SPIN3: variants seen among roughly 807,000 people sequenced by gnomAD.
The protein encoded by SPIN3 is spindlin-3.
For synonymous variants in SPIN3, 74 were observed against 74.3 expected (o/e 1.00, Z 0.02); for missense variants, 176 against 196.4 (o/e 0.90, Z 0.62).
downstream of SPIN3, among the ~76,000 whole-genome samples, chrX:56,990,031 G>A (rs1230132430): frequency 9.1e-6 from 1 of 110,194 alleles, no homozygotes; most frequent in Non-Finnish European, 1.9e-5. Context: ...AAAACAATTG[G>A]GGACCACTGC....
exon 5 of SPIN3, chrX:56,978,381 G>A (rs945563425): frequency 8.9e-6 from 1 of 111,870 alleles, no homozygotes; most frequent in Non-Finnish European, 1.9e-5. Context: ...GACAGATGTG[G>A]AGATGCTATA....
chrX:56,988,715 T>G (rs978561369), downstream of SPIN3, among the ~76,000 whole-genome samples: 4 of 111,504 alleles, frequency 3.6e-5, no homozygotes, highest in African/African-American at 1.3e-4. Context: ...TATAAGCCTG[T>G]GGACCCCACC....
At chrX:56,990,651 C>T (rs192614719), downstream of SPIN3, among the ~76,000 whole-genome samples, 507 of 111,618 alleles carry the variant, frequency 4.5e-3, 3 homozygotes, top group Non-Finnish European at 4.7e-3. Context: ...TCAGAGAATA[C>T]GTTATGTTCA....
intron 2 of SPIN3, chrX:56,984,479 C>G (rs1468965458): frequency 3.2e-6 from 1 of 311,845 alleles, no homozygotes; most frequent in African/African-American, 3.0e-5. Flanking sequence ...TTCAAAGGAG[C>G]TGAAAAGCAA....
chrX:56,984,508 A>T (rs1569323725), intron 2 of SPIN3: 1 of 324,962 alleles, frequency 3.1e-6, no homozygotes, highest in Admixed American at 3.2e-5. Flanking sequence ...AGTACAGTGG[A>T]GGAGCTGACA....
In SPIN3 at chrX:56,992,826, G is replaced by A. The variant is rs890282286; in HGVS notation, c.*1345C>T. On this transcript the variant is annotated 3_prime_UTR_variant, in exon 2 of 2. Coordinates refer to ENST00000374919, the MANE Select transcript of SPIN3 (RefSeq NM_001010862.3). ...GCCAATGGCTCTTTAATAATGGAAA[G>A]CTCAAAGGCCCTTCCATTGTTTACT... The A allele has an allele frequency of 9.4e-5, 22 of 233,106 alleles. No individual in the cohort carries two copies. The highest frequency in any genetic ancestry group is 1.3e-4 in the Non-Finnish European group (17 of 130,945). The allele number at this position is 233,106 out of a possible 1,213,427, so 19.2% of individuals were successfully genotyped here. A position where few individuals can be genotyped will look rare whatever the true frequency, so the allele number is the denominator to read the frequency against.
chrX:56,990,285 C>T (rs1306924873), downstream of SPIN3, among the ~76,000 whole-genome samples: 1 of 111,464 alleles, frequency 9.0e-6, no homozygotes, highest in Non-Finnish European at 1.9e-5. Flanking sequence ...CCTAAAGAAT[C>T]ATAAACACTG....
In SPIN3 at chrX:56,994,715, A is replaced by G. The variant is rs140875976; in HGVS notation, c.233T>C (p.Val78Ala). Residue 78 changes from valine (V) to alanine (A), a missense_variant, in exon 2 of 2, where the codon GTA (valine) becomes GCA (alanine). Val to Ala is a moderately conservative substitution (Grantham distance 64, BLOSUM62 0). Transcript: ENST00000374919. ...TTTGATAAGATACAGAGAGGGATTT[A>G]CAGGTACCTGATCCAGAACGGTTCC... is the stretch of plus-strand genomic sequence containing the variant. ...WKGTVLDQVP[V>A]NPSLYLIKYD... 2.5e-5 allele frequency: 30 copies of G among 1,210,389 alleles called. 1 individual carries two copies. In the South Asian group the frequency reaches 4.1e-4, roughly 16 times the overall value.
chrX:56,989,054 T>A (rs1463751931), downstream of SPIN3, among the ~76,000 whole-genome samples: 3 of 111,912 alleles, frequency 2.7e-5, no homozygotes, highest in African/African-American at 9.8e-5. Flanking sequence ...GATATATGCT[T>A]TGGACCAGAA....
At chrX:56,980,059 G>A (rs887901133) in intron 3 of SPIN3, 3 of 111,367 alleles carry the variant, frequency 2.7e-5, no homozygotes, top group Non-Finnish European at 5.6e-5. Context: ...ATCTTGTGAC[G>A]TACTCAGATC....
Position 56,993,921 on chromosome X carries a change from G to A in SPIN3, c.*250C>T, listed in dbSNP as rs933520494. 8 of 320,091 alleles carry A rather than the reference G, an allele frequency of 2.5e-5. No homozygotes were observed. The highest frequency in any genetic ancestry group is 1.6e-4 in the African/African-American group (6 of 37,327). The allele number at this position is 320,091 out of a possible 1,213,427, so 26.4% of individuals were successfully genotyped here. The stretch of plus-strand genomic sequence containing the variant: ...CACCACCCAAGATAAAAAAAAGTAT[G>A]AGCCAATGGATGTCAGACTTTACCC... On this transcript the variant is annotated 3_prime_UTR_variant, in exon 2 of 2. Coordinates refer to ENST00000374919, the MANE Select transcript of SPIN3 (RefSeq NM_001010862.3).
downstream of SPIN3, among the ~76,000 whole-genome samples, chrX:56,990,569 T>C: frequency 8.9e-6 from 1 of 112,327 alleles, no homozygotes; most frequent in South Asian, 3.6e-4. Context: ...TCCCCACAGC[T>C]TCAATATATA....
At position 56,993,458 on chromosome X, in the gene SPIN3, T is replaced by G. The variant is rs6612746; in HGVS notation, c.*713A>C. 0.54 allele frequency: 60,186 copies of G among 110,715 alleles called. 14,505 individuals are homozygous for G. Among genetic ancestry groups the G allele is most frequent in the Non-Finnish European group, 0.75 (39,487 of 52,773 alleles). The allele number at this position is 110,715 out of a possible 1,213,427, so 9.1% of individuals were successfully genotyped here. A position where few individuals can be genotyped will look rare whatever the true frequency, so the allele number is the denominator to read the frequency against. Reference sequence around the variant, plus strand: ...ACAAGAGAGACCCTAATGCCACTGATGACTAAAACCTTTCACTTAAGCTCC... The same window carrying G: ...ACAAGAGAGACCCTAATGCCACTGAGGACTAAAACCTTTCACTTAAGCTCC... On this transcript the variant is annotated 3_prime_UTR_variant, in exon 2 of 2. Coordinates refer to ENST00000374919, the MANE Select transcript of SPIN3 (RefSeq NM_001010862.3).
chrX:56,994,887 C>T lies in SPIN3; in HGVS notation c.61G>A (p.Gly21Ser), dbSNP rs1441311237. ...TTTATCATGGTAACAGACACACTGC[C>T]GTGGCCAGCGCCCGTCCTGGACCGC... ...GQRSRTGAGH[G>S]SVSVTMIKRK... The change falls in exon 2 of 2, where the codon GGC becomes AGC. Residue 21 changes from glycine (G) to serine (S), a missense_variant. Physicochemically the swap from Gly to Ser is moderately conservative, Grantham distance 56 (BLOSUM62 0). Transcript: ENST00000374919. The T allele has an allele frequency of 1.7e-6, 2 of 1,210,711 alleles. No individual in the cohort carries two copies. Among genetic ancestry groups the T allele is most frequent in the African/African-American group, 1.7e-5 (1 of 57,783 alleles).
At chrX:56,986,356 C>T (rs925134212), downstream of SPIN3, among the ~76,000 whole-genome samples, 1 of 111,853 alleles carries the variant, frequency 8.9e-6, no homozygotes, top group Admixed American at 9.5e-5. Context: ...CCCCTTGGTG[C>T]TACTGTTTCT....
intron 5 of SPIN3, chrX:56,977,447 A>AGTTCTATTAAGTTCT (rs1309869614): frequency 3.6e-5 from 4 of 112,150 alleles, no homozygotes; most frequent in Non-Finnish European, 7.5e-5. Flanking sequence ...TATTAAGTGG[A>AGTTCTATTAAGTTCT]AAAATTTATA....
At position 56,992,681 on chromosome X, in the gene SPIN3, T is replaced by C. The variant is rs1475493725; in HGVS notation, c.*1490A>G. 1 of 291,402 alleles carries C rather than the reference T, an allele frequency of 3.4e-6. No individual in the cohort carries two copies. Among genetic ancestry groups the C allele is most frequent in the Non-Finnish European group, 6.0e-6 (1 of 167,534 alleles). The allele number at this position is 291,402 out of a possible 1,213,427, so 24.0% of individuals were successfully genotyped here. On this transcript the variant is annotated 3_prime_UTR_variant, in exon 2 of 2. Transcript: ENST00000374919. ...AGAACTCCATGGCCTTATTAGGCTG[T>C]TACTGCTAATGGAGCTTCTGTGAGA...
At chrX:56,977,795 AAG>A (rs1166024100) in intron 5 of SPIN3, 1 of 111,125 alleles carries the variant, frequency 9.0e-6, no homozygotes, top group African/African-American at 3.3e-5. Flanking sequence ...TAAGAAGAGA[AAG>A]AGAGACCTAA....
chrX:56,992,866 G>T lies in SPIN3; in HGVS notation c.*1305C>A, dbSNP rs1350601320. 1.1e-5 allele frequency: 2 copies of T among 189,960 alleles called. No homozygotes were observed. The highest frequency in any genetic ancestry group is 5.9e-5 in the African/African-American group (2 of 33,768). 15.7% of individuals were successfully genotyped at this position (189,960 alleles called of 1,213,427 possible). ...CATTGTTTACTTTTCTGCCACAGTA[G>T]AACTCACCCTTATCTGCATATAAGT... On this transcript the variant is annotated 3_prime_UTR_variant, in exon 2 of 2. Coordinates refer to ENST00000374919, the MANE Select transcript of SPIN3 (RefSeq NM_001010862.3).
Sources: gnomAD v4.1 joint callset for allele counts (sites outside exome capture counted in the v4.1 genomes callset) on GRCh38, gnomAD v4.1.1 for gene constraint, MANE v1.5 for transcripts, NCBI Gene and HGNC (gene_info 2026-07-23, HGNC 2026-07-21) for gene names.